The following USP9X variants were observed in gnomAD, a reference collection of about 807,000 sequenced individuals.
The protein encoded by USP9X is ubiquitin carboxyl-terminal hydrolase 9X.
A neutral mutation model predicts 190.3 loss-of-function variants in USP9X; 7 were observed. The ratio of observed to expected loss-of-function variants is 0.04; its 90% confidence interval spans 0.02 to 0.07. The LOEUF (loss-of-function observed/expected upper bound fraction) is 0.07. USP9X is among the 10% of genes least tolerant of loss of function. The pLI, the probability that USP9X is intolerant of heterozygous loss-of-function variation, is 1.00. For synonymous variants in USP9X, 645 were observed against 659.5 expected, an observed-to-expected ratio of 0.98 and a Z score of 0.34; for missense variants, 1,010 against 1,916.9, an observed-to-expected ratio of 0.53 and a Z score of 8.83.
chrX:41,206,685 G>A (rs1234440247), intron 32 of USP9X, among the ~76,000 whole-genome samples: 1 of 111,149 alleles, frequency 9.0e-6, no homozygotes, highest in African/African-American at 3.3e-5. Flanking sequence ...CTTCATAGGG[G>A]ATAATGTTTA....
chrX:41,149,616 C>T (rs1441597629), intron 12 of USP9X, among the ~76,000 whole-genome samples: 4 of 110,223 alleles, frequency 3.6e-5, no homozygotes, highest in Non-Finnish European at 7.6e-5. Context: ...GAAATTTCTT[C>T]TCGGAAATAG....
intron 32 of USP9X, among the ~76,000 whole-genome samples, chrX:41,207,111 T>TA (rs1307171033): frequency 7.7e-5 from 5 of 64,524 alleles, no homozygotes; most frequent in Non-Finnish European, 1.1e-4. Flanking sequence ...TTTTTGGAGA[T>TA]AGAGTCTTGC....
intron 32 of USP9X, among the ~76,000 whole-genome samples, chrX:41,205,887 C>CTTTTTTTTTTTTTT (rs751427663): frequency 3.4e-5 from 3 of 87,142 alleles, no homozygotes; most frequent in South Asian, 5.0e-4. Flanking sequence ...TTTTCTTTTT[C>CTTTTTTTTTTTTTT]TTTTTTTCTT....
At chrX:41,091,539 C>G (rs1334676535) in intron 1 of USP9X, among the ~76,000 whole-genome samples, 1 of 112,506 alleles carries the variant, frequency 8.9e-6, no homozygotes, top group Admixed American at 9.4e-5. Flanking sequence ...ATATCCTTAG[C>G]ACCTAGAAAG....
chrX:41,171,543 G>A, intron 20 of USP9X: 1 of 277,149 alleles, frequency 3.6e-6, no homozygotes. Flanking sequence ...ATTTGGTAGT[G>A]GGCATGGCAG....
intron 1 of USP9X, among the ~76,000 whole-genome samples, chrX:41,089,511 G>C (rs1377778514): frequency 4.5e-5 from 5 of 111,728 alleles, no homozygotes; most frequent in African/African-American, 1.6e-4. Flanking sequence ...ATATCTTCCA[G>C]CGTGCTCAGG....
chrX:41,093,870 T>TG (rs2061970564), intron 1 of USP9X, among the ~76,000 whole-genome samples: 1 of 112,130 alleles, frequency 8.9e-6, no homozygotes. Flanking sequence ...ACTCTGTGAG[T>TG]GGGAAAAACC....
At position 41,086,100 on chromosome X, in the gene USP9X, G is replaced by C; in HGVS notation, c.-168G>C. 3.4e-6 allele frequency: 1 copy of C among 297,426 alleles called. No homozygotes were observed. Among genetic ancestry groups the C allele is most frequent in the South Asian group, 2.1e-4 (1 of 4,698 alleles). 24.5% of individuals were successfully genotyped at this position (297,426 alleles called of 1,213,427 possible). A position where few individuals can be genotyped will look rare whatever the true frequency, so the allele number is the denominator to read the frequency against. On this transcript the variant is annotated 5_prime_UTR_variant, in exon 1 of 45. Coordinates refer to ENST00000378308, the MANE Select transcript of USP9X (RefSeq NM_001039591.3). ...GTGCCCTGGTTGTGAGAAGACGTCT[G>C]TGTCGTGCGGTGAGTGGCCAGCTGC...
intron 35 of USP9X, among the ~76,000 whole-genome samples, 198 bp downstream of exon 35, chrX:41,216,850 C>A (rs971068981): frequency 1.8e-5 from 2 of 110,928 alleles, no homozygotes; most frequent in South Asian, 3.8e-4. Flanking sequence ...CAATACCAGC[C>A]TGACCAACAT....
intron 39 of USP9X, 61 bp downstream of exon 39, chrX:41,223,463 GT>G: frequency 8.8e-7 from 1 of 1,139,446 alleles, no homozygotes; most frequent in East Asian, 3.0e-5. Context: ...TTGAGACAGA[GT>G]TTTGCTGTTG....
intron 20 of USP9X, 46 bp downstream of exon 20, chrX:41,170,665 A>G (rs1017622441): frequency 9.7e-6 from 11 of 1,132,512 alleles, no homozygotes; most frequent in African/African-American, 9.0e-5. Flanking sequence ...GCATCATGCT[A>G]GGGTTTTTGA....
At chrX:41,136,546 G>A (rs929087069) in intron 5 of USP9X, among the ~76,000 whole-genome samples, 6 of 112,108 alleles carry the variant, frequency 5.4e-5, no homozygotes, top group Non-Finnish European at 1.9e-5. Flanking sequence ...CTTACCTGTG[G>A]ACGTAGAGCA....
Position 41,158,751 on chromosome X carries a change from C to T in USP9X, c.1898-4039C>T, listed in dbSNP as rs187678673. On this transcript the variant is annotated intron_variant, in intron 14 of 44. Coordinates refer to ENST00000378308, the MANE Select transcript of USP9X (RefSeq NM_001039591.3). ...GGACTGGGGGGTGGGGGGCTCACCT[C>T]CTGCTGTGCAGCCCCGTTTCTAACA... Among the ~76,000 whole-genome samples, 37 of 111,562 alleles carry T rather than the reference C, an allele frequency of 3.3e-4. No individual in the cohort carries two copies. In the East Asian group the frequency reaches 0.01, roughly 31 times the overall value.
intron 9 of USP9X, among the ~76,000 whole-genome samples, chrX:41,142,570 T>C (rs747116381): frequency 8.9e-6 from 1 of 112,256 alleles, no homozygotes; most frequent in East Asian, 2.8e-4. Context: ...AGCTGAGACA[T>C]GTACTTCTCT....
At chrX:41,089,363 T>G (rs1399928076) in intron 1 of USP9X, among the ~76,000 whole-genome samples, 1 of 111,914 alleles carries the variant, frequency 8.9e-6, no homozygotes, top group African/African-American at 3.3e-5. Context: ...GAGCTTTTGG[T>G]TTGTTTCTCG....
intron 6 of USP9X, among the ~76,000 whole-genome samples, chrX:41,138,505 A>G (rs999103910): frequency 8.9e-6 from 1 of 111,902 alleles, no homozygotes; most frequent in African/African-American, 3.2e-5. Context: ...TTTATTCGGA[A>G]TATTTTTGAG....
At chrX:41,115,428 C>T (rs2898706) in intron 1 of USP9X, among the ~76,000 whole-genome samples, 23,114 of 110,488 alleles carry the variant, frequency 0.21, 2,255 homozygotes, top group Non-Finnish European at 0.3. Context: ...ATTGTTGGTG[C>T]ATAAAACCGG....
At chrX:41,144,809 C>A (rs1175788302) in intron 11 of USP9X, among the ~76,000 whole-genome samples, 183 bp downstream of exon 11, 1 of 111,157 alleles carries the variant, frequency 9.0e-6, no homozygotes, top group African/African-American at 3.3e-5. Context: ...TTCTTAATAG[C>A]CCCCATAATG....
At chrX:41,165,138 T>C (rs2062667721) in intron 15 of USP9X, among the ~76,000 whole-genome samples, 1 of 106,223 alleles carries the variant, frequency 9.4e-6, no homozygotes, top group Non-Finnish European at 2.0e-5. Context: ...TTTTCAATGA[T>C]GCCATATAAG....
Sources: gnomAD v4.1 joint callset for allele counts (sites outside exome capture counted in the v4.1 genomes callset) on GRCh38, gnomAD v4.1.1 for gene constraint, MANE v1.5 for transcripts, NCBI Gene and HGNC (gene_info 2026-07-23, HGNC 2026-07-21) for gene names.